Variants in APC observed in about 807,000 individuals in gnomAD.
APC encodes the protein adenomatous polyposis coli protein.
A neutral mutation model predicts 247.0 loss-of-function variants in APC; 72 were observed. The observed-to-expected ratio is 0.29, with a 90% CI of 0.24 to 0.35. The LOEUF (loss-of-function observed/expected upper bound fraction) is 0.35, where lower values mean the gene tolerates loss of function less well. APC is among the 10% of genes least tolerant of loss of function. The pLI is 1.00. For synonymous variants in APC, 1,254 were observed against 1,162.5 expected (o/e 1.08, Z -1.60); for missense variants, 3,400 against 3,360.7 (o/e 1.01, Z -0.29).
chr5:112,843,872 A>G lies in APC; in HGVS notation c.8278A>G (p.Thr2760Ala), dbSNP rs2150002428. The G allele has an allele frequency of 1.9e-6, 3 of 1,613,970 alleles. No individual in the cohort carries two copies. The highest frequency in any genetic ancestry group is 2.5e-6 in the Non-Finnish European group (3 of 1,179,888). The change falls in exon 16 of 16, where the codon ACC (threonine) becomes GCC (alanine). Residue 2760 changes from threonine to alanine, a missense_variant. Transcript: ENST00000257430. The surrounding 1 kb of genome is among the most constrained non-coding windows in gnomAD (Gnocchi z 4.8). ...ETNESSIVERTPFSSSSSSKH... is the reference protein window; with the variant it reads ...ETNESSIVERAPFSSSSSSKH... ...TAATGAAAGTTCTATAGTGGAACGT[A>G]CCCCATTCAGTTCTAGCAGCTCAAG...
intron 6 of APC, chr5:112,783,796 G>T: frequency 2.7e-6 from 1 of 374,462 alleles, no homozygotes. Context: ...AGAAAGAAAG[G>T]AAAGAAAAGA....
chr5:112,751,993 A>G lies in APC; in HGVS notation c.-18-2880A>G, dbSNP rs541057820. ...TGGCATGAACATATGATTTTTTCCC[A>G]TATCTATTATGTTAAATGATATAAT... On this transcript the variant is annotated intron_variant, in intron 1 of 15. Transcript: ENST00000257430. Among the ~76,000 whole-genome samples the G allele has an allele frequency of 1.3e-3, 200 of 152,132 alleles. 3 individuals carry two copies. The highest frequency in any genetic ancestry group is 4.5e-3 in the African/African-American group (187 of 41,542).
At chr5:112,764,125 A>G (rs547529122) in intron 2 of APC, among the ~76,000 whole-genome samples, 17 of 151,206 alleles carry the variant, frequency 1.1e-4, no homozygotes, top group South Asian at 2.1e-4. Flanking sequence ...GGGAGCCTGT[A>G]GTCCCAGCTA....
At chr5:112,720,698 T>TA (rs1454268404) in intron 1 of APC, among the ~76,000 whole-genome samples, 6 of 152,158 alleles carry the variant, frequency 3.9e-5, no homozygotes, top group Non-Finnish European at 5.9e-5. Flanking sequence ...AAAAGACACT[T>TA]AGAGTGTGGG....
intron 11 of APC, among the ~76,000 whole-genome samples, chr5:112,822,299 A>G (rs1037375546): frequency 2.6e-5 from 4 of 152,154 alleles, no homozygotes; most frequent in Non-Finnish European, 5.9e-5. Flanking sequence ...AGTAGACTCT[A>G]TATGTGCCAG....
chr5:112,835,199 C>A (rs746596997), intron 15 of APC, 34 bp downstream of exon 15: 1 of 1,549,374 alleles, frequency 6.5e-7, no homozygotes, highest in Non-Finnish European at 8.8e-7. Flanking sequence ...TTTTAAAGTA[C>A]AGAATTCATA....
At chr5:112,714,124 A>G (rs1443343535) in intron 1 of APC, among the ~76,000 whole-genome samples, 1 of 152,242 alleles carries the variant, frequency 6.6e-6, no homozygotes, top group South Asian at 2.1e-4. Flanking sequence ...CAGGTATGTT[A>G]TATGTAACAA....
chr5:112,770,244 G>A (rs1047280745), intron 4 of APC, among the ~76,000 whole-genome samples: 2 of 152,084 alleles, frequency 1.3e-5, no homozygotes, highest in Admixed American at 6.6e-5. Context: ...TTTCTTGCTA[G>A]TCTTCCAGAG....
At chr5:112,813,323 C>T (rs1321822832) in intron 8 of APC, among the ~76,000 whole-genome samples, 1 of 152,096 alleles carries the variant, frequency 6.6e-6, no homozygotes, top group African/African-American at 2.4e-5. Flanking sequence ...GTGCACTAGT[C>T]AGGAAAACCT....
chr5:112,822,076 A>T, intron 11 of APC, 85 bp downstream of exon 11: 1 of 915,348 alleles, frequency 1.1e-6, no homozygotes, highest in Non-Finnish European at 1.7e-6. Context: ...GTAAATAAAG[A>T]TTTTTAATCA....
chr5:112,738,346 C>A, intron 1 of APC: 4 of 985,424 alleles, frequency 4.1e-6, no homozygotes, highest in Non-Finnish European at 4.8e-6. Flanking sequence ...TCCTCCCTGG[C>A]GACAAGGACA....
intron 1 of APC, among the ~76,000 whole-genome samples, chr5:112,731,185 A>G (rs1406163539): frequency 6.6e-6 from 1 of 151,988 alleles, no homozygotes; most frequent in African/African-American, 2.4e-5. Flanking sequence ...CAGTAGTACA[A>G]GTAATGCCAA....
At chr5:112,709,073 A>T (rs369942787) in intron 1 of APC, among the ~76,000 whole-genome samples, 133 of 152,332 alleles carry the variant, frequency 8.7e-4, no homozygotes, top group African/African-American at 2.9e-3. Flanking sequence ...TATAAATGAT[A>T]GCTTGCCCTT....
At chr5:112,808,916 G>C (rs1761700453) in intron 8 of APC, among the ~76,000 whole-genome samples, 1 of 152,202 alleles carries the variant, frequency 6.6e-6, no homozygotes, top group Non-Finnish European at 1.5e-5. Flanking sequence ...ATTACTCGCA[G>C]GTTTCTGTTA....
chr5:112,716,602 G>A (rs535728135), intron 1 of APC, among the ~76,000 whole-genome samples: 1 of 151,986 alleles, frequency 6.6e-6, no homozygotes, highest in Non-Finnish European at 1.5e-5. Flanking sequence ...AGTATCGTAG[G>A]TGATCTTTTG....
intron 5 of APC, among the ~76,000 whole-genome samples, chr5:112,779,541 C>T (rs973393152): frequency 6.6e-6 from 1 of 152,068 alleles, no homozygotes; most frequent in African/African-American, 2.4e-5. Flanking sequence ...TTTATTTTCA[C>T]AAATTTTGCA....
Position 112,843,718 on chromosome 5 carries a change from T to C in APC, c.8124T>C (p.Asn2708=), listed in dbSNP as rs773052534. The C allele has an allele frequency of 6.2e-7, 1 of 1,614,084 alleles. No homozygotes were observed. Among genetic ancestry groups the C allele is most frequent in the Non-Finnish European group, 8.5e-7 (1 of 1,179,950 alleles). The stretch of plus-strand genomic sequence containing the variant: ...ATCAGGCAAAACAAAATGTGGGTAA[T>C]GGCAGTGTTCCCATGCGTACCGTGG... ...KDNQAKQNVG[N]GSVPMRTVGL... Residue 2708 remains asparagine (N), a synonymous_variant, in exon 16 of 16, where the codon AAT becomes AAC. Coordinates refer to ENST00000257430, the MANE Select transcript of APC (RefSeq NM_000038.6). This position sits in a 1 kb window ranked among gnomAD's most constrained non-coding sequence, Gnocchi z 4.8.
chr5:112,753,744 T>G (rs1581118046), intron 1 of APC, among the ~76,000 whole-genome samples: 1 of 152,188 alleles, frequency 6.6e-6, no homozygotes, highest in African/African-American at 2.4e-5. Flanking sequence ...ACTCCAATAT[T>G]GTCGTGACTA....
intron 7 of APC, among the ~76,000 whole-genome samples, chr5:112,800,660 C>G (rs1028179615): frequency 4.5e-4 from 69 of 152,020 alleles, no homozygotes; most frequent in African/African-American, 1.6e-3. Context: ...AAAGTGACTG[C>G]TTTGTGCTAG....
Sources: allele counts gnomAD v4.1 joint callset (sites outside exome capture counted in the v4.1 genomes callset), GRCh38; gene constraint gnomAD v4.1.1; non-coding constraint Gnocchi (gnomAD v3.1); transcripts MANE v1.5; gene names NCBI Gene and HGNC (gene_info 2026-07-23, HGNC 2026-07-21).